MAP4K3: variants seen among roughly 807,000 people sequenced by gnomAD.
MAP4K3 encodes MAPK/ERK kinase kinase kinase 3.
MAP4K3 carries 94 observed loss-of-function variants against 143.5 expected under a neutral mutation model. The ratio of observed to expected loss-of-function variants is 0.65; its 90% CI spans 0.55 to 0.78. The LOEUF is 0.78. Among genes scored for constraint, MAP4K3 ranks in the 30% least tolerant of loss-of-function variants. The pLI is 0.00. For synonymous variants in MAP4K3, 416 were observed against 347.2 expected (o/e 1.20, Z -2.20); for missense variants, 1,077 against 1,068.1 (o/e 1.01, Z -0.12).
At chr2:39,423,014 T>G (rs559865011) in intron 1 of MAP4K3, among the ~76,000 whole-genome samples, 1 of 152,132 alleles carries the variant, frequency 6.6e-6, no homozygotes, top group African/African-American at 2.4e-5. Context: ...GAAAAAATAC[T>G]GCATAACATA....
rs544802413 is a variant in MAP4K3 at position 39,295,949 on chromosome 2, C to T, written c.1179-2681G>A. Among the ~76,000 whole-genome samples, 13 of 152,240 alleles carry T rather than the reference C, an allele frequency of 8.5e-5. No individual in the cohort carries two copies. The South Asian group carries it at 2.7e-3, about 32-fold the overall frequency. ...GCCCAGGCTGGTCTTGAACTCCCGG[C>T]CTCAAGTGATCCACCCGCCTTGGCT... On this transcript the variant is annotated intron_variant, in intron 16 of 33. Coordinates refer to ENST00000263881, the MANE Select transcript of MAP4K3 (RefSeq NM_003618.4).
At chr2:39,275,392 G>A (rs1183055848) in intron 24 of MAP4K3, among the ~76,000 whole-genome samples, 1 of 152,116 alleles carries the variant, frequency 6.6e-6, no homozygotes, top group African/African-American at 2.4e-5. Context: ...ACGCTGAGGT[G>A]GGTCACTTGA....
intron 1 of MAP4K3, among the ~76,000 whole-genome samples, chr2:39,425,121 A>T (rs1421592397): frequency 1.8e-5 from 2 of 108,990 alleles, no homozygotes; most frequent in East Asian, 5.6e-4. Flanking sequence ...CCACCCCCCC[A>T]GCCCCTCCAC....
intron 1 of MAP4K3, among the ~76,000 whole-genome samples, chr2:39,428,511 A>G (rs1665169722): frequency 6.6e-6 from 1 of 151,734 alleles, no homozygotes; most frequent in South Asian, 2.1e-4. Flanking sequence ...CATCTCTACT[A>G]AAATAATACA....
At position 39,340,225 on chromosome 2, in the gene MAP4K3, C is replaced by T. The variant is rs1380635547; in HGVS notation, c.311-2644G>A. On this transcript the variant is annotated intron_variant, in intron 4 of 33. Coordinates refer to ENST00000263881, the MANE Select transcript of MAP4K3 (RefSeq NM_003618.4). ...ATAAAAAAGAGGCAGAAGAGAGAGACACATAGAAAGAAATGGAGGTACGTG... is the reference window on the plus strand; with the variant it reads ...ATAAAAAAGAGGCAGAAGAGAGAGATACATAGAAAGAAATGGAGGTACGTG... 7.2e-5 allele frequency among the ~76,000 whole-genome samples: 11 copies of T among 152,192 alleles called. No homozygotes were observed. The East Asian group carries it at 2.1e-3, about 29-fold the overall frequency.
chr2:39,382,306 A>G (rs1666373711), intron 1 of MAP4K3, among the ~76,000 whole-genome samples: 1 of 152,218 alleles, frequency 6.6e-6, no homozygotes, highest in Admixed American at 6.5e-5. Context: ...ATTATCAGTA[A>G]AACATCTGAC....
At chr2:39,303,831 C>T (rs886079928) in intron 15 of MAP4K3, among the ~76,000 whole-genome samples, 8 of 152,108 alleles carry the variant, frequency 5.3e-5, no homozygotes, top group Non-Finnish European at 4.4e-5. Flanking sequence ...GCTACCACGC[C>T]GGGTCAACAT....
intron 8 of MAP4K3, among the ~76,000 whole-genome samples, chr2:39,326,644 T>C (rs1469951716): frequency 2.0e-5 from 3 of 151,832 alleles, no homozygotes; most frequent in African/African-American, 7.3e-5. Flanking sequence ...ATTTGGGGGG[T>C]GGGCAGGGGC....
At chr2:39,359,174 G>A (rs1480566194) in intron 2 of MAP4K3, among the ~76,000 whole-genome samples, 2 of 152,124 alleles carry the variant, frequency 1.3e-5, no homozygotes, top group Non-Finnish European at 2.9e-5. Flanking sequence ...TGTTCCAATG[G>A]GAGAAACTGG....
chr2:39,333,323 C>A (rs1044219661), intron 7 of MAP4K3, among the ~76,000 whole-genome samples: 11 of 152,016 alleles, frequency 7.2e-5, no homozygotes, highest in African/African-American at 2.4e-4. Flanking sequence ...AGTATCTTTA[C>A]AACAGATATG....
intron 2 of MAP4K3, 31 bp downstream of exon 2, chr2:39,378,035 A>G (rs1338602668): frequency 1.6e-6 from 2 of 1,267,056 alleles, no homozygotes; most frequent in Admixed American, 3.8e-5. Flanking sequence ...GCTTTCTAGC[A>G]GTAAGAAAAA....
At chr2:39,347,835 C>G (rs1053660785) in intron 3 of MAP4K3, among the ~76,000 whole-genome samples, 1 of 151,784 alleles carries the variant, frequency 6.6e-6, no homozygotes, top group African/African-American at 2.4e-5. Context: ...TATAAGTGGT[C>G]ATTAATTATC....
intron 28 of MAP4K3, among the ~76,000 whole-genome samples, chr2:39,264,015 T>A (rs1056275836): frequency 1.3e-5 from 2 of 152,142 alleles, no homozygotes; most frequent in African/African-American, 4.8e-5. Flanking sequence ...ACTGATATGA[T>A]GAAACATTTT....
At chr2:39,374,378 A>T (rs1208420280) in intron 2 of MAP4K3, among the ~76,000 whole-genome samples, 1 of 152,052 alleles carries the variant, frequency 6.6e-6, no homozygotes, top group Non-Finnish European at 1.5e-5. Flanking sequence ...AAAAAATAAA[A>T]ATTAAAATTA....
intron 2 of MAP4K3, among the ~76,000 whole-genome samples, chr2:39,372,342 T>C (rs901681537): frequency 1.3e-5 from 2 of 151,958 alleles, no homozygotes; most frequent in African/African-American, 2.4e-5. Context: ...GAATCAATAT[T>C]GTTAAAATGT....
At chr2:39,430,988 T>G (rs1665266685) in intron 1 of MAP4K3, among the ~76,000 whole-genome samples, 1 of 152,178 alleles carries the variant, frequency 6.6e-6, no homozygotes, top group Non-Finnish European at 1.5e-5. Context: ...ATTCCATAAA[T>G]ATTTATTAAG....
At chr2:39,347,639 G>C (rs1238529149) in intron 3 of MAP4K3, among the ~76,000 whole-genome samples, 1 of 152,004 alleles carries the variant, frequency 6.6e-6, no homozygotes, top group African/African-American at 2.4e-5. Flanking sequence ...TTGTAGTGTA[G>C]TGTAGTATAA....
In MAP4K3 at chr2:39,325,613, G is replaced by A. The variant is rs1683464262; in HGVS notation, c.823C>T (p.Gln275Ter). 1.2e-6 allele frequency: 2 copies of A among 1,612,502 alleles called. No individual in the cohort carries two copies. Among genetic ancestry groups the A allele is most frequent in the Non-Finnish European group, 8.5e-7 (1 of 1,179,130 alleles). ...ATTGCCAAAGACCGTGTCAAATGTTGTGTTACAAAAGGATGCTATAAAAAT... is the reference window on the plus strand; with the variant it reads ...ATTGCCAAAGACCGTGTCAAATGTTATGTTACAAAAGGATGCTATAAAAAT... ...EKLLQHPFVTQHLTRSLAIEL... is the reference protein window; with the variant it reads ...EKLLQHPFVT The change falls in exon 12 of 34, where the codon CAA becomes TAA. Residue 275 changes from glutamine (Q) to a stop codon, truncating the protein, a stop_gained. Coordinates refer to ENST00000263881, the MANE Select transcript of MAP4K3 (RefSeq NM_003618.4). LOFTEE classifies it high-confidence loss of function.
At chr2:39,258,889 T>C (rs781387570) in intron 29 of MAP4K3, among the ~76,000 whole-genome samples, 1 of 152,208 alleles carries the variant, frequency 6.6e-6, no homozygotes, top group Non-Finnish European at 1.5e-5. Flanking sequence ...AATGCAACTT[T>C]TCTTCTTTTA....
Sources: gnomAD v4.1 joint callset for allele counts (sites outside exome capture counted in the v4.1 genomes callset) on GRCh38, gnomAD v4.1.1 for gene constraint, MANE v1.5 for transcripts, NCBI Gene and HGNC (gene_info 2026-07-23, HGNC 2026-07-21) for gene names.